Variants in CACNA2D1 observed in about 807,000 individuals in gnomAD.
CACNA2D1 encodes the protein calcium voltage-gated channel auxiliary subunit alpha2delta 1.
Under a neutral mutation model 171.5 loss-of-function variants are expected in CACNA2D1, and 53 were observed. That is an observed-to-expected ratio of 0.31 (90% confidence interval 0.25 to 0.39). CACNA2D1 has a LOEUF of 0.39. Among genes scored for constraint, CACNA2D1 ranks in the 10% least tolerant of loss-of-function variants. The probability of loss-of-function intolerance (pLI) is 1.00; values close to 1 mark genes in which losing one functional copy is unlikely to be tolerated. For missense variants in CACNA2D1, 903 were observed against 1,299.8 expected (o/e 0.69, Z 4.69); for synonymous variants, 442 against 443.1 (o/e 1.00, Z 0.03).
chr7:82,307,036 T>G (rs191268287), intron 3 of CACNA2D1, among the ~76,000 whole-genome samples: 70 of 152,298 alleles, frequency 4.6e-4, no homozygotes, highest in African/African-American at 1.5e-3. Flanking sequence ...TGTGGCCTAG[T>G]GGCTAGGGTT....
chr7:82,101,540 A>C (rs1812683290), intron 6 of CACNA2D1, among the ~76,000 whole-genome samples: 1 of 152,324 alleles, frequency 6.6e-6, no homozygotes, highest in South Asian at 2.1e-4. Context: ...AAAATCAACA[A>C]GGCACATAAT....
intron 34 of CACNA2D1, among the ~76,000 whole-genome samples, chr7:81,963,366 A>G (rs1490811511): frequency 1.3e-5 from 2 of 151,918 alleles, no homozygotes; most frequent in African/African-American, 2.4e-5. Flanking sequence ...AAAAAAAAAG[A>G]TTAGAAGGGA....
intron 7 of CACNA2D1, among the ~76,000 whole-genome samples, chr7:82,070,619 G>T (rs967458837): frequency 6.6e-6 from 1 of 152,136 alleles, no homozygotes; most frequent in Non-Finnish European, 1.5e-5. Context: ...GCAGTCTCAA[G>T]TCCTAAAAGT....
At chr7:82,129,800 A>C (rs1790743139) in intron 5 of CACNA2D1, among the ~76,000 whole-genome samples, 1 of 152,200 alleles carries the variant, frequency 6.6e-6, no homozygotes, top group South Asian at 2.1e-4. Context: ...ATCTAGTCTC[A>C]AGACTGGGAA....
chr7:82,177,624 A>C (rs2214723), intron 3 of CACNA2D1, among the ~76,000 whole-genome samples: 51,653 of 151,902 alleles, frequency 0.34, 10,548 homozygotes, highest in Non-Finnish European at 0.46. Flanking sequence ...CAGCATCAAA[A>C]TGTTATACAT....
intron 1 of CACNA2D1, among the ~76,000 whole-genome samples, chr7:82,395,402 G>A (rs1435340210): frequency 6.6e-6 from 1 of 152,100 alleles, no homozygotes; most frequent in Non-Finnish European, 1.5e-5. Flanking sequence ...CTTGCCAGGG[G>A]TTATCCACGG....
chr7:82,300,199 T>G (rs1812829637), intron 3 of CACNA2D1, among the ~76,000 whole-genome samples: 1 of 152,094 alleles, frequency 6.6e-6, no homozygotes, highest in Non-Finnish European at 1.5e-5. Flanking sequence ...TTAGGGAATT[T>G]TTTTTTTAAG....
intron 1 of CACNA2D1, among the ~76,000 whole-genome samples, chr7:82,441,305 G>A (rs1247993093): frequency 6.6e-6 from 1 of 152,006 alleles, no homozygotes; most frequent in Admixed American, 6.5e-5. Flanking sequence ...AGATGCAGAA[G>A]GCTTCCAAAA....
At chr7:82,084,256 A>C (rs1330268308) in intron 7 of CACNA2D1, among the ~76,000 whole-genome samples, 4 of 152,086 alleles carry the variant, frequency 2.6e-5, no homozygotes, top group Non-Finnish European at 5.9e-5. Context: ...ACTGAGATGC[A>C]CTCAGAAGTG....
intron 10 of CACNA2D1, among the ~76,000 whole-genome samples, chr7:82,053,269 A>T (rs1805424570): frequency 6.8e-6 from 1 of 148,058 alleles, no homozygotes; most frequent in African/African-American, 2.6e-5. Context: ...AAAAAAAAAA[A>T]TTAAATAATT....
intron 4 of CACNA2D1, among the ~76,000 whole-genome samples, chr7:82,145,154 T>C (rs529717214): frequency 2.0e-5 from 3 of 150,358 alleles, no homozygotes; most frequent in African/African-American, 7.3e-5. Flanking sequence ...AATCAAATAC[T>C]TATACCTCCT....
chr7:82,158,635 T>A (rs1327947018), intron 4 of CACNA2D1, among the ~76,000 whole-genome samples: 2 of 151,908 alleles, frequency 1.3e-5, no homozygotes, highest in Non-Finnish European at 2.9e-5. Context: ...AGGTGAATAA[T>A]TTCAATTAAG....
At chr7:82,160,112 T>C (rs1038159841) in intron 4 of CACNA2D1, among the ~76,000 whole-genome samples, 4 of 151,948 alleles carry the variant, frequency 2.6e-5, no homozygotes, top group African/African-American at 4.8e-5. Flanking sequence ...GAGGAGTCTA[T>C]GAACTGGAAA....
chr7:81,991,379 T>A, intron 20 of CACNA2D1, 133 bp from the exon 21 acceptor site: 1 of 541,964 alleles, frequency 1.8e-6, no homozygotes, highest in Admixed American at 3.1e-5. Context: ...TGATCTATTT[T>A]ATTCTATATT....
intron 3 of CACNA2D1, among the ~76,000 whole-genome samples, chr7:82,278,780 T>C (rs751056341): frequency 2.0e-5 from 3 of 152,110 alleles, no homozygotes; most frequent in Non-Finnish European, 2.9e-5. Flanking sequence ...ATTAGTTTTA[T>C]TCGAATAGAG....
At chr7:81,990,700 A>AT (rs1041285685) in intron 21 of CACNA2D1, among the ~76,000 whole-genome samples, 1 of 152,132 alleles carries the variant, frequency 6.6e-6, no homozygotes, top group Non-Finnish European at 1.5e-5. Context: ...TTACCAAGAG[A>AT]TTACTAGGTT....
At chr7:82,145,331 G>T (rs1019241410) in intron 4 of CACNA2D1, among the ~76,000 whole-genome samples, 1 of 137,866 alleles carries the variant, frequency 7.3e-6, no homozygotes, top group African/African-American at 2.6e-5. Flanking sequence ...TATATAAATT[G>T]TATATAATAT....
intron 4 of CACNA2D1, among the ~76,000 whole-genome samples, chr7:82,147,206 G>A (rs55679074): frequency 0.27 from 41,403 of 151,532 alleles, 5,969 homozygotes; most frequent in East Asian, 0.39. Flanking sequence ...AGAGTTCATT[G>A]GCTCTTGAAC....
At chr7:82,362,092 T>C (rs772689992) in intron 1 of CACNA2D1, among the ~76,000 whole-genome samples, 3 of 152,184 alleles carry the variant, frequency 2.0e-5, no homozygotes, top group Non-Finnish European at 4.4e-5. Context: ...AAGAGAATGG[T>C]ATTTTAGCTT....
Sources: allele counts gnomAD v4.1 joint callset (sites outside exome capture counted in the v4.1 genomes callset), GRCh38; gene constraint gnomAD v4.1.1; transcripts MANE v1.5; gene names NCBI Gene and HGNC (gene_info 2026-07-23, HGNC 2026-07-21).